ZNF532: variants seen among roughly 807,000 people sequenced by gnomAD.
The protein encoded by ZNF532 is zinc finger protein 532.
In ZNF532, 22 loss-of-function variants were observed where a neutral mutation model predicts 89.3. The ratio of observed to expected loss-of-function variants is 0.25; its 90% CI spans 0.18 to 0.35. ZNF532 has a LOEUF of 0.35. Ranked by LOEUF, ZNF532 falls within the 10% of genes least tolerant of loss-of-function variation. ZNF532 has a pLI of 1.00. For missense variants in ZNF532, 1,132 were observed against 1,643.4 expected (o/e 0.69, Z 5.38); for synonymous variants, 606 against 649.6 (o/e 0.93, Z 1.02).
At chr18:58,962,323 C>CTAGTGTGAG (rs1333358773) in intron 7 of ZNF532, among the ~76,000 whole-genome samples, 1 of 152,132 alleles carries the variant, frequency 6.6e-6, no homozygotes, top group African/African-American at 2.4e-5. Flanking sequence ...GTAGCCATTG[C>CTAGTGTGAG]TAGTGTGAGG....
intron 7 of ZNF532, among the ~76,000 whole-genome samples, chr18:58,962,348 C>G (rs2065441149): frequency 1.3e-5 from 2 of 152,160 alleles, no homozygotes; most frequent in African/African-American, 4.8e-5. Context: ...TATTTTAAAC[C>G]AGTCACAGTC....
Position 58,985,241 on chromosome 18 carries a change from A to G in ZNF532, c.*775A>G, listed in dbSNP as rs1317792219. 1 of 152,292 alleles carries G rather than the reference A, an allele frequency of 6.6e-6. No homozygotes were observed. Among genetic ancestry groups the G allele is most frequent in the Non-Finnish European group, 1.5e-5 (1 of 68,050 alleles). 9.4% of individuals were successfully genotyped at this position (152,292 alleles called of 1,614,324 possible). On this transcript the variant is annotated 3_prime_UTR_variant, in exon 10 of 10. Coordinates refer to ENST00000591808, the MANE Select transcript of ZNF532 (RefSeq NM_001375912.1). ...CGGCAGATCTGCAAGGCTGGCTTTA[A>G]GAGCACAAGGAGGGAAAGTAACGAA...
At chr18:58,934,743 C>T in intron 4 of ZNF532, 129 bp downstream of exon 4, 1 of 899,878 alleles carries the variant, frequency 1.1e-6, no homozygotes, top group South Asian at 1.7e-5. Flanking sequence ...CCTCTGGGAA[C>T]CTAGCTCGTT....
At position 58,967,837 on chromosome 18, in the gene ZNF532, T is replaced by C. The variant is rs369061503; in HGVS notation, c.3151-11218T>C. Among the ~76,000 whole-genome samples the C allele has an allele frequency of 9.2e-5, 14 of 152,334 alleles. No homozygotes were observed. In the East Asian group the frequency reaches 2.1e-3, roughly 23 times the overall value. On this transcript the variant is annotated intron_variant, in intron 7 of 9. Coordinates refer to ENST00000591808, the MANE Select transcript of ZNF532 (RefSeq NM_001375912.1). ...CACCTTCTACCTTGCCGCATGGCAG[T>C]TGCAAGCCTTTGGCCAGAATTGCCG...
chr18:58,977,987 C>T (rs1239469849), intron 7 of ZNF532, among the ~76,000 whole-genome samples: 1 of 152,184 alleles, frequency 6.6e-6, no homozygotes, highest in African/African-American at 2.4e-5. Flanking sequence ...CTTGACAGCT[C>T]TTTAATTTCC....
intron 7 of ZNF532, among the ~76,000 whole-genome samples, chr18:58,978,113 A>G (rs1465006726): frequency 6.6e-6 from 1 of 152,208 alleles, no homozygotes; most frequent in African/African-American, 2.4e-5. Context: ...AGTTAACATA[A>G]TATCTCAGCC....
In ZNF532 at chr18:58,918,434, T is replaced by C. The variant is rs2146049057; in HGVS notation, c.147T>C (p.Asp49=). ...TGAAGCAGAATGCTCACGGAGAGGA[T>C]GACTCCCACGCACCATCATCTTCTG... is the stretch of plus-strand genomic sequence containing the variant. The part of the protein sequence containing the change: ...SHMKQNAHGE[D]DSHAPSSSDV... The change falls in exon 3 of 10, where the codon GAT becomes GAC. Residue 49 remains aspartate, a synonymous_variant. Coordinates refer to ENST00000591808, the MANE Select transcript of ZNF532 (RefSeq NM_001375912.1). The C allele has an allele frequency of 6.2e-7, 1 of 1,614,188 alleles. No individual in the cohort carries two copies. The highest frequency in any genetic ancestry group is 1.3e-5 in the African/African-American group (1 of 75,050).
rs748161405 is a variant in ZNF532, at chr18:58,919,149, A to G, written c.862A>G (p.Lys288Glu). The change falls in exon 3 of 10, where the codon AAA (lysine) becomes GAA (glutamate). Residue 288 changes from lysine (K) to glutamate (E), a missense_variant. This residue lies in a region of ZNF532 where 302 missense variants were observed against 319.8 expected (regional missense o/e 0.94). Transcript: ENST00000591808. The surrounding 1 kb of genome is among the most constrained non-coding windows in gnomAD (Gnocchi z 6.1). ...TAAAAAGGCGGCTTCAGACTCCTGC[A>G]AAGAACCAGTGGCCAATTCGAGGGA... is the stretch of plus-strand genomic sequence containing the variant. ...SAKKAASDSC[K>E]EPVANSRESS... 3 of 1,614,250 alleles carry G rather than the reference A, an allele frequency of 1.9e-6. No individual in the cohort carries two copies. The highest frequency in any genetic ancestry group is 2.5e-6 in the Non-Finnish European group (3 of 1,180,048).
rs747234584 is a variant in ZNF532 at position 58,918,594 on chromosome 18, A to T, written c.307A>T (p.Ser103Cys). Residue 103 changes from serine to cysteine, a missense_variant, in exon 3 of 10, where the codon AGT becomes TGT. Transcript: ENST00000591808. Reference protein sequence around the residue: ...FLTASSLDSYSKDGAKSLKGD... With the variant: ...FLTASSLDSYCKDGAKSLKGD... ...CACAGCATCCTCCCTTGACAGTTAC[A>T]GTAAAGATGGAGCAAAGTCCTTGAA... 1 of 1,614,244 alleles carries T rather than the reference A, an allele frequency of 6.2e-7. No homozygotes were observed. The highest frequency in any genetic ancestry group is 8.5e-7 in the Non-Finnish European group (1 of 1,180,036).
chr18:58,918,879 A>G lies in ZNF532; in HGVS notation c.592A>G (p.Asn198Asp). The change falls in exon 3 of 10, where the codon AAC (asparagine) becomes GAC (aspartate). Residue 198 changes from asparagine to aspartate, a missense_variant. Asn to Asp is a conservative substitution (Grantham distance 23, BLOSUM62 1). Coordinates refer to ENST00000591808, the MANE Select transcript of ZNF532 (RefSeq NM_001375912.1). ...CTCTACGTCAGGCAATGTGGAGAAA[A>G]ACAAAGCTGTTAAGAGAGAAACAGA... ...GLSTSGNVEK[N>D]KAVKRETEAS... is the part of the protein sequence containing the mutation. 6.2e-7 allele frequency: 1 copy of G among 1,614,124 alleles called. No individual in the cohort carries two copies. The highest frequency in any genetic ancestry group is 8.5e-7 in the Non-Finnish European group (1 of 1,180,040).
chr18:58,951,462 T>G (rs1161834194), intron 6 of ZNF532, among the ~76,000 whole-genome samples: 1 of 152,120 alleles, frequency 6.6e-6, no homozygotes, highest in Non-Finnish European at 1.5e-5. Context: ...AGGTTTTAAA[T>G]AGTTAAAAAT....
chr18:58,962,210 A>G (rs1682713741), intron 7 of ZNF532, among the ~76,000 whole-genome samples: 1 of 151,394 alleles, frequency 6.6e-6, no homozygotes, highest in African/African-American at 2.4e-5. Flanking sequence ...TGGATGACAG[A>G]GCGAGACTCT....
chr18:58,951,870 C>T (rs1033010101), intron 6 of ZNF532, among the ~76,000 whole-genome samples: 11 of 151,958 alleles, frequency 7.2e-5, no homozygotes, highest in Non-Finnish European at 1.5e-4. Context: ...AGGTTGGTCT[C>T]GATCTCCTGA....
intron 2 of ZNF532, among the ~76,000 whole-genome samples, chr18:58,888,868 A>AT (rs1301154103): frequency 0.042 from 1,784 of 42,074 alleles, 142 homozygotes; most frequent in South Asian, 0.049. Context: ...ATATATATAT[A>AT]ATATATATTA....
chr18:58,873,458 G>GT (rs1448649462), intron 2 of ZNF532, among the ~76,000 whole-genome samples: 9 of 149,370 alleles, frequency 6.0e-5, no homozygotes, highest in East Asian at 1.9e-4. Flanking sequence ...TTTTTTTTTT[G>GT]TTTTTTCTGG....
At chr18:58,977,861 C>G (rs1053237184) in intron 7 of ZNF532, among the ~76,000 whole-genome samples, 2 of 152,092 alleles carry the variant, frequency 1.3e-5, no homozygotes, top group African/African-American at 2.4e-5. Flanking sequence ...AAAATGTAAT[C>G]AATCATTTCT....
At chr18:58,926,999 G>A (rs1388945798) in intron 3 of ZNF532, among the ~76,000 whole-genome samples, 3 of 152,104 alleles carry the variant, frequency 2.0e-5, no homozygotes, top group South Asian at 4.1e-4. Flanking sequence ...TTCTTGTTTG[G>A]TTTGAGATAG....
At chr18:58,897,690 C>T (rs1019830484) in intron 2 of ZNF532, among the ~76,000 whole-genome samples, 9 of 152,324 alleles carry the variant, frequency 5.9e-5, no homozygotes, top group South Asian at 4.1e-4. Context: ...CGGTGGCTCA[C>T]ACCTGTAATC....
At chr18:58,907,684 C>T (rs1342512718) in intron 2 of ZNF532, among the ~76,000 whole-genome samples, 2 of 152,090 alleles carry the variant, frequency 1.3e-5, no homozygotes, top group African/African-American at 4.8e-5. Context: ...AGCTGTGCTT[C>T]CGGTCAGCAT....
Sources: gnomAD v4.1 joint callset for allele counts (sites outside exome capture counted in the v4.1 genomes callset) on GRCh38, gnomAD v4.1.1 for gene constraint, gnomAD v4.1.1 regional missense constraint, Gnocchi (gnomAD v3.1) non-coding constraint, MANE v1.5 for transcripts, NCBI Gene and HGNC (gene_info 2026-07-23, HGNC 2026-07-21) for gene names.